The following HS3ST2 variants were observed in gnomAD, a reference collection of about 807,000 sequenced individuals.
HS3ST2 encodes heparan sulfate glucosamine 3-O-sulfotransferase 2.
A neutral mutation model predicts 26.3 loss-of-function variants in HS3ST2; 17 were observed. That is an observed-to-expected ratio of 0.65 (90% CI 0.44 to 0.97). The LOEUF (loss-of-function observed/expected upper bound fraction) is 0.97. Ranked by LOEUF, HS3ST2 falls within the 50% of genes least tolerant of loss-of-function variation. The pLI is 0.00. For missense variants in HS3ST2, 402 were observed against 501.2 expected (o/e 0.80, Z 1.89); for synonymous variants, 237 against 219.2 (o/e 1.08, Z -0.72).
chr16:22,843,977 A>C (rs1901395852), intron 1 of HS3ST2, among the ~76,000 whole-genome samples: 1 of 151,680 alleles, frequency 6.6e-6, no homozygotes, highest in African/African-American at 2.4e-5. Context: ...GGGATATGGG[A>C]GTTATGAACT....
In HS3ST2 at chr16:22,860,067, T is replaced by C. The variant is rs140836825; in HGVS notation, c.485+44972T>C. Among the ~76,000 whole-genome samples, 306 of 152,308 alleles carry C rather than the reference T, an allele frequency of 2.0e-3. 1 individual carries two copies. The highest frequency in any genetic ancestry group is 7.1e-3 in the African/African-American group (296 of 41,578). ...TTTCCCCAGAAGGCCACACTCTCCC[T>C]AACAGCTCTATTTAAAATGACAATT... On this transcript the variant is annotated intron_variant, in intron 1 of 1. Transcript: ENST00000261374.
Position 22,815,132 on chromosome 16 carries a change from C to T in HS3ST2, c.485+37C>T. Reference sequence around the variant, plus strand: ...GAGCTCCGCTCCGTGCGCCGGGTCTCTGATCGCTTCCATTGGGAGAGCCAT... The same window carrying T: ...GAGCTCCGCTCCGTGCGCCGGGTCTTTGATCGCTTCCATTGGGAGAGCCAT... On this transcript the variant is annotated intron_variant, in intron 1 of 1. Coordinates refer to ENST00000261374, the MANE Select transcript of HS3ST2 (RefSeq NM_006043.2). 5 of 1,602,398 alleles carry T rather than the reference C, an allele frequency of 3.1e-6. No individual in the cohort carries two copies. In the South Asian group the frequency reaches 5.6e-5, roughly 18 times the overall value.
chr16:22,823,415 G>A (rs1303130773), intron 1 of HS3ST2, among the ~76,000 whole-genome samples: 1 of 152,284 alleles, frequency 6.6e-6, no homozygotes, highest in African/African-American at 2.4e-5. Context: ...GTAAGTCTGT[G>A]TAGTACCTAA....
chr16:22,885,827 G>A (rs1902051820), intron 1 of HS3ST2, among the ~76,000 whole-genome samples: 1 of 152,112 alleles, frequency 6.6e-6, no homozygotes, highest in African/African-American at 2.4e-5. Context: ...AGAAGGTTCT[G>A]CAGACAGTTA....
chr16:22,878,238 GT>G (rs1878190737), intron 1 of HS3ST2, among the ~76,000 whole-genome samples: 1 of 152,174 alleles, frequency 6.6e-6, no homozygotes, highest in Admixed American at 6.5e-5. Flanking sequence ...AGCTACCTGA[GT>G]TTTTTGCTTC....
intron 1 of HS3ST2, among the ~76,000 whole-genome samples, chr16:22,897,471 T>C (rs958017899): frequency 6.6e-5 from 10 of 152,212 alleles, no homozygotes; most frequent in South Asian, 2.1e-4. Flanking sequence ...ACTTTAGTAA[T>C]TGAAGGACCA....
intron 1 of HS3ST2, among the ~76,000 whole-genome samples, chr16:22,823,770 G>C (rs1345197049): frequency 6.6e-6 from 1 of 152,198 alleles, no homozygotes; most frequent in African/African-American, 2.4e-5. Flanking sequence ...CTGGGTGATA[G>C]AGTGAGACTG....
intron 1 of HS3ST2, among the ~76,000 whole-genome samples, chr16:22,815,828 T>A (rs78287555): frequency 2.4e-3 from 360 of 152,338 alleles, no homozygotes; most frequent in African/African-American, 8.4e-3. Flanking sequence ...TTGCCCTGTA[T>A]ACCTTCCAAG....
intron 1 of HS3ST2, among the ~76,000 whole-genome samples, chr16:22,895,976 T>C (rs1231863710): frequency 9.2e-5 from 14 of 151,974 alleles, no homozygotes; most frequent in Non-Finnish European, 1.2e-4. Context: ...TATTAATTTT[T>C]ATCTTTTTTT....
intron 1 of HS3ST2, among the ~76,000 whole-genome samples, chr16:22,861,457 C>T (rs1472530096): frequency 2.0e-5 from 3 of 151,924 alleles, no homozygotes; most frequent in East Asian, 3.9e-4. Context: ...GGGGCCATAC[C>T]CTGGAATGGC....
chr16:22,873,066 G>C (rs1901860130), intron 1 of HS3ST2, among the ~76,000 whole-genome samples: 1 of 152,152 alleles, frequency 6.6e-6, no homozygotes, highest in East Asian at 1.9e-4. Flanking sequence ...ACTGTATTGG[G>C]CTAGAGTTGA....
rs781780285 is a variant in HS3ST2 at position 22,815,118 on chromosome 16, C to G, written c.485+23C>G. 16 of 1,606,792 alleles carry G rather than the reference C, an allele frequency of 1.0e-5. No individual in the cohort carries two copies. In the Admixed American group the frequency reaches 1.6e-4, roughly 16 times the overall value. On this transcript the variant is annotated intron_variant, in intron 1 of 1. Coordinates refer to ENST00000261374, the MANE Select transcript of HS3ST2 (RefSeq NM_006043.2). ...CAGGTAAGGACCAGGAGCTCCGCTCCGTGCGCCGGGTCTCTGATCGCTTCC... is the reference window on the plus strand; with the variant it reads ...CAGGTAAGGACCAGGAGCTCCGCTCGGTGCGCCGGGTCTCTGATCGCTTCC...
chr16:22,856,423 G>C (rs1901595475), intron 1 of HS3ST2, among the ~76,000 whole-genome samples: 1 of 152,134 alleles, frequency 6.6e-6, no homozygotes, highest in African/African-American at 2.4e-5. Flanking sequence ...TGCCAGTCCT[G>C]ATGCAGTTTC....
chr16:22,908,106 G>A (rs933534110), intron 1 of HS3ST2, among the ~76,000 whole-genome samples: 1 of 152,314 alleles, frequency 6.6e-6, no homozygotes, highest in African/African-American at 2.4e-5. Flanking sequence ...CAGCCTGGGA[G>A]ACAGAGTGAG....
intron 1 of HS3ST2, among the ~76,000 whole-genome samples, chr16:22,906,113 C>T (rs208631): frequency 0.47 from 71,852 of 151,870 alleles, 17,791 homozygotes; most frequent in Admixed American, 0.56. Flanking sequence ...TGGCTCATGC[C>T]TGTAATCCCA....
intron 1 of HS3ST2, among the ~76,000 whole-genome samples, chr16:22,910,467 C>T (rs554162839): frequency 2.0e-4 from 31 of 152,262 alleles, no homozygotes; most frequent in African/African-American, 6.5e-4. Flanking sequence ...GCCACAGTCA[C>T]GATCTAATAT....
At chr16:22,834,692 T>C (rs1901226084) in intron 1 of HS3ST2, among the ~76,000 whole-genome samples, 1 of 151,936 alleles carries the variant, frequency 6.6e-6, no homozygotes, top group Non-Finnish European at 1.5e-5. Context: ...AGTATCCATT[T>C]TTTGATACAA....
chr16:22,835,621 T>TAGTA (rs1901243648), intron 1 of HS3ST2, among the ~76,000 whole-genome samples: 1 of 152,190 alleles, frequency 6.6e-6, no homozygotes, highest in East Asian at 1.9e-4. Context: ...TCTCTCCACT[T>TAGTA]CTATGTTCCT....
chr16:22,851,414 C>T (rs73543184), intron 1 of HS3ST2, among the ~76,000 whole-genome samples: 12,223 of 152,236 alleles, frequency 0.08, 1,160 homozygotes, highest in African/African-American at 0.23. Context: ...GGGGCTTGCT[C>T]AAAATCAAAG....
Sources: gnomAD v4.1 joint callset for allele counts (sites outside exome capture counted in the v4.1 genomes callset) on GRCh38, gnomAD v4.1.1 for gene constraint, MANE v1.5 for transcripts, NCBI Gene and HGNC (gene_info 2026-07-23, HGNC 2026-07-21) for gene names.